The following PLXNA4 variants were observed in gnomAD, a reference collection of about 807,000 sequenced individuals.
PLXNA4 encodes the protein plexin-A4.
A neutral mutation model predicts 191.8 loss-of-function variants in PLXNA4; 44 were observed. The observed-to-expected ratio is 0.23, with a 90% confidence interval of 0.18 to 0.29. The LOEUF (loss-of-function observed/expected upper bound fraction) is 0.29, where lower values mean the gene tolerates loss of function less well. PLXNA4 is among the 10% of genes least tolerant of loss of function. PLXNA4 has a pLI of 1.00. For synonymous variants in PLXNA4, 1,082 were observed against 1,009.5 expected (o/e 1.07, Z -1.36); for missense variants, 1,800 against 2,488.8 (o/e 0.72, Z 5.89).
intron 4 of PLXNA4, among the ~76,000 whole-genome samples, chr7:132,265,296 C>G (rs1403519639): frequency 6.6e-6 from 1 of 152,216 alleles, no homozygotes; most frequent in Non-Finnish European, 1.5e-5. Context: ...TGTTTCCATA[C>G]TTTCAAAAAC....
At chr7:132,241,767 G>A (rs1169206053) in intron 4 of PLXNA4, among the ~76,000 whole-genome samples, 2 of 152,108 alleles carry the variant, frequency 1.3e-5, no homozygotes, top group South Asian at 2.1e-4. Flanking sequence ...TGGCCAACTG[G>A]CTCTAAAAGC....
chr7:132,452,033 T>C (rs947045892), intron 3 of PLXNA4, among the ~76,000 whole-genome samples: 1 of 152,254 alleles, frequency 6.6e-6, no homozygotes, highest in Non-Finnish European at 1.5e-5. Flanking sequence ...TCCTCTCTTA[T>C]TCCAAAAAGG....
At chr7:132,236,879 G>T (rs1363510360) in intron 5 of PLXNA4, among the ~76,000 whole-genome samples, 2 of 152,064 alleles carry the variant, frequency 1.3e-5, no homozygotes, top group Non-Finnish European at 2.9e-5. Context: ...TTTCTCTCCT[G>T]CTGAGCCCAC....
intron 4 of PLXNA4, among the ~76,000 whole-genome samples, chr7:132,252,955 T>C (rs1446867674): frequency 1.3e-5 from 2 of 152,122 alleles, no homozygotes; most frequent in African/African-American, 2.4e-5. Flanking sequence ...ATAAAAAGGG[T>C]ATATTAAGAC....
At chr7:132,610,801 G>A (rs1803030043) in intron 2 of PLXNA4, among the ~76,000 whole-genome samples, 2 of 152,220 alleles carry the variant, frequency 1.3e-5, no homozygotes, top group African/African-American at 4.8e-5. Context: ...GAGCATCTTA[G>A]GAGATAACCA....
chr7:132,499,682 C>T (rs115402091), intron 2 of PLXNA4, among the ~76,000 whole-genome samples: 3,556 of 152,224 alleles, frequency 0.023, 90 homozygotes, highest in Middle Eastern at 0.068. Flanking sequence ...GCTCCCCAGG[C>T]TGAGTTATGG....
At chr7:132,326,614 C>A (rs1477761698) in intron 3 of PLXNA4, among the ~76,000 whole-genome samples, 2 of 152,310 alleles carry the variant, frequency 1.3e-5, no homozygotes, top group South Asian at 4.1e-4. Flanking sequence ...CCTCACAAGG[C>A]TGGCCCTCGC....
At chr7:132,258,261 G>C (rs139713999) in intron 4 of PLXNA4, among the ~76,000 whole-genome samples, 1 of 152,248 alleles carries the variant, frequency 6.6e-6, no homozygotes, top group East Asian at 1.9e-4. Flanking sequence ...AAAGGCGGCC[G>C]GGGGCTGAGC....
In PLXNA4 at chr7:132,211,034, C is replaced by A; in HGVS notation, c.2207G>T (p.Gly736Val). The change falls in exon 10 of 32, where the codon GGC becomes GTC. Residue 736 changes from glycine to valine, a missense_variant. By Grantham distance (109) the Gly-to-Val change is moderately radical (BLOSUM62 -3). Around this residue, in one of 6 missense-constraint regions of PLXNA4, gnomAD observed 1,397 missense variants for 1,880.4 expected, o/e 0.74. Transcript: ENST00000321063. ...NLPQPQSGQR[G>V]YECILNIQGS... Reference sequence around the variant, plus strand: ...CTGAATGTTGAGGATGCATTCGTAGCCACGCTGCCCAGACTGGGGCTGGGG... The same window carrying A: ...CTGAATGTTGAGGATGCATTCGTAGACACGCTGCCCAGACTGGGGCTGGGG... 6.2e-7 allele frequency: 1 copy of A among 1,613,936 alleles called. No individual in the cohort carries two copies. The highest frequency in any genetic ancestry group is 1.1e-5 in the South Asian group (1 of 90,996).
At chr7:132,610,024 C>A (rs1008665810) in intron 2 of PLXNA4, among the ~76,000 whole-genome samples, 1 of 152,176 alleles carries the variant, frequency 6.6e-6, no homozygotes, top group Non-Finnish European at 1.5e-5. Flanking sequence ...CTAGTGAAAC[C>A]AGGGTGAGTT....
At chr7:132,357,956 T>C (rs374596357) in intron 3 of PLXNA4, among the ~76,000 whole-genome samples, 1 of 152,214 alleles carries the variant, frequency 6.6e-6, no homozygotes, top group East Asian at 1.9e-4. Flanking sequence ...GAGAAATCCA[T>C]GCCAGAAAGC....
chr7:132,248,494 G>GGA (rs1799135361), intron 4 of PLXNA4, among the ~76,000 whole-genome samples: 2 of 152,298 alleles, frequency 1.3e-5, no homozygotes, highest in South Asian at 4.1e-4. Context: ...AAGGTAGAGG[G>GGA]GAGAGGTCAG....
At chr7:132,253,927 T>G (rs1384761099) in intron 4 of PLXNA4, among the ~76,000 whole-genome samples, 1 of 152,190 alleles carries the variant, frequency 6.6e-6, no homozygotes, top group African/African-American at 2.4e-5. Context: ...AGTTTCCATG[T>G]GGAGGAGTCA....
intron 30 of PLXNA4, among the ~76,000 whole-genome samples, chr7:132,138,129 C>T (rs1795166716): frequency 6.6e-6 from 1 of 152,104 alleles, no homozygotes; most frequent in South Asian, 2.1e-4. Context: ...ATATGCTTCC[C>T]TTTTTCACCT....
intron 4 of PLXNA4, among the ~76,000 whole-genome samples, chr7:132,296,389 G>A (rs1015189576): frequency 1.3e-5 from 2 of 152,028 alleles, no homozygotes; most frequent in Admixed American, 1.3e-4. Context: ...CTCAAAGGGG[G>A]CTGATAACTC....
At chr7:132,188,851 A>G (rs538178968) in intron 14 of PLXNA4, among the ~76,000 whole-genome samples, 7 of 151,614 alleles carry the variant, frequency 4.6e-5, no homozygotes, top group African/African-American at 1.4e-4. Flanking sequence ...AAAAGTGGTG[A>G]TCTTCAAGGC....
intron 4 of PLXNA4, among the ~76,000 whole-genome samples, chr7:132,273,711 C>A (rs1410142687): frequency 6.6e-6 from 1 of 152,060 alleles, no homozygotes; most frequent in African/African-American, 2.4e-5. Flanking sequence ...CAGCTTGTTT[C>A]CCCCCATTTA....
intron 3 of PLXNA4, among the ~76,000 whole-genome samples, chr7:132,372,629 C>T (rs1314237972): frequency 6.6e-6 from 1 of 152,234 alleles, no homozygotes; most frequent in Non-Finnish European, 1.5e-5. Context: ...CCACACCTCA[C>T]ACACTGGAAA....
At chr7:132,642,061 T>C (rs1338826129) in intron 2 of PLXNA4, among the ~76,000 whole-genome samples, 1 of 152,174 alleles carries the variant, frequency 6.6e-6, no homozygotes, top group Non-Finnish European at 1.5e-5. Context: ...TTTAATAAAT[T>C]TGCTTCTATA....
Sources: allele counts gnomAD v4.1 joint callset (sites outside exome capture counted in the v4.1 genomes callset), GRCh38; gene constraint gnomAD v4.1.1; regional missense constraint gnomAD v4.1.1; transcripts MANE v1.5; gene names NCBI Gene and HGNC (gene_info 2026-07-23, HGNC 2026-07-21).